The following LIN9 variants were observed in gnomAD, a reference collection of about 807,000 sequenced individuals.
The protein encoded by LIN9 is lin-9 DREAM MuvB core complex component.
LIN9 carries 18 observed loss-of-function variants against 78.0 expected under a neutral mutation model. That is an observed-to-expected ratio of 0.23 (90% CI 0.16 to 0.34). The LOEUF (loss-of-function observed/expected upper bound fraction) is 0.34, where lower values mean the gene tolerates loss of function less well. Ranked by LOEUF, LIN9 falls within the 10% of genes least tolerant of loss-of-function variation. The probability of loss-of-function intolerance (pLI) is 1.00; values close to 1 mark genes in which losing one functional copy is unlikely to be tolerated. For missense variants in LIN9, 451 were observed against 644.1 expected, an observed-to-expected ratio of 0.70 and a Z score of 3.25; for synonymous variants, 192 against 215.2, an observed-to-expected ratio of 0.89 and a Z score of 0.94.
intron 7 of LIN9, among the ~76,000 whole-genome samples, chr1:226,273,437 T>C (rs946518809): frequency 6.6e-6 from 1 of 151,710 alleles, no homozygotes; most frequent in Non-Finnish European, 1.5e-5. Context: ...GTAGAAACAG[T>C]GTTTCACCAT....
chr1:226,307,984 A>G (rs545046606), intron 1 of LIN9, among the ~76,000 whole-genome samples: 6 of 152,326 alleles, frequency 3.9e-5, no homozygotes, highest in African/African-American at 1.4e-4. Context: ...GGCAACTTGA[A>G]TTTTTAACTT....
In LIN9 at chr1:226,265,461, T is replaced by A. The variant is rs1018164367; in HGVS notation, c.1038+72A>T. 1.2e-5 allele frequency: 11 copies of A among 885,542 alleles called. No homozygotes were observed. In the African/African-American group the frequency reaches 1.9e-4, roughly 15 times the overall value. The allele number at this position is 885,542 out of a possible 1,614,324, so 54.9% of individuals were successfully genotyped here. A position where few individuals can be genotyped will look rare whatever the true frequency, so the allele number is the denominator to read the frequency against. On this transcript the variant is annotated intron_variant, in intron 10 of 14. Coordinates refer to ENST00000681046, the MANE Select transcript of LIN9 (RefSeq NM_001366245.2). This position sits in a 1 kb window ranked among gnomAD's most constrained non-coding sequence, Gnocchi z 4.1. ...ATAAACCTACACGGCCCTAGAAAAATTTTCAACTTTAATAACATAAAAGGC... is the reference window on the plus strand; with the variant it reads ...ATAAACCTACACGGCCCTAGAAAAAATTTCAACTTTAATAACATAAAAGGC...
chr1:226,255,105 T>A lies in LIN9; in HGVS notation c.1039-4186A>T, dbSNP rs561577354. 3.2e-4 allele frequency among the ~76,000 whole-genome samples: 49 copies of A among 152,084 alleles called. 2 individuals are homozygous for A. The South Asian group carries it at 1.0e-2, about 31-fold the overall frequency. On this transcript the variant is annotated intron_variant, in intron 10 of 14. Coordinates refer to ENST00000681046, the MANE Select transcript of LIN9 (RefSeq NM_001366245.2). The stretch of plus-strand genomic sequence containing the variant: ...GTAGGGAAAACTGAACTGTAATATA[T>A]GTGGTAGGTGCATTAAGCATTTACT...
intron 1 of LIN9, among the ~76,000 whole-genome samples, chr1:226,304,688 G>C (rs542130894): frequency 6.6e-6 from 1 of 152,254 alleles, no homozygotes; most frequent in Non-Finnish European, 1.5e-5. Context: ...GAAGAAACAG[G>C]TTAAGTCCTA....
intron 10 of LIN9, among the ~76,000 whole-genome samples, chr1:226,261,524 T>A (rs1247454366): frequency 1.3e-5 from 2 of 152,202 alleles, no homozygotes; most frequent in Admixed American, 1.3e-4. Context: ...AAACACAGTA[T>A]CATTTACCTT....
chr1:226,287,535 G>T, intron 5 of LIN9, 129 bp downstream of exon 5: 1 of 605,610 alleles, frequency 1.7e-6, no homozygotes, highest in Non-Finnish European at 2.7e-6. Flanking sequence ...CTGGAATGTG[G>T]AACAGAAAAA....
intron 7 of LIN9, among the ~76,000 whole-genome samples, chr1:226,269,184 A>T (rs533177837): frequency 4.3e-4 from 66 of 152,368 alleles, no homozygotes; most frequent in African/African-American, 1.6e-3. Flanking sequence ...ACACAGAAAT[A>T]CACAATGCAA....
chr1:226,288,429 A>T (rs903793648), intron 4 of LIN9, among the ~76,000 whole-genome samples: 1 of 152,196 alleles, frequency 6.6e-6, no homozygotes, highest in African/African-American at 2.4e-5. Flanking sequence ...ATTTCATAAC[A>T]CTGTTTTGAA....
At chr1:226,250,748 T>C (rs6678137) in intron 11 of LIN9, 91 bp downstream of exon 11, 580,636 of 673,928 alleles carry the variant, frequency 0.86, 250,960 homozygotes, top group East Asian at 0.98. Context: ...AAGGTTTCCT[T>C]CCATAGATAT....
At position 226,239,160 on chromosome 1, in the gene LIN9, T is replaced by C. The variant is rs574373036; in HGVS notation, c.1120-64A>G. 9.2e-5 allele frequency: 141 copies of C among 1,537,264 alleles called. No individual in the cohort carries two copies. The East Asian group carries it at 2.7e-3, about 30-fold the overall frequency. On this transcript the variant is annotated intron_variant, in intron 11 of 14. Transcript: ENST00000681046. ...TTTTTTAGCAATGCAATTTCAATGA[T>C]CTAAAAGGAGATTTGACTTATCTAA...
At position 226,289,834 on chromosome 1, in the gene LIN9, CG is replaced by C. The variant is rs967358215; in HGVS notation, c.265-2038del. 1.7e-3 allele frequency among the ~76,000 whole-genome samples: 20 copies of C among 12,084 alleles called. 1 individual carries two copies. Among genetic ancestry groups the C allele is most frequent in the Admixed American group, 6.7e-3 (5 of 750 alleles). 7.9% of individuals were successfully genotyped at this position (12,084 alleles called of 152,430 possible). On this transcript the variant is annotated intron_variant, in intron 4 of 14. Transcript: ENST00000681046. ...TTACTAGGACAACTAAGTAGTCCTC[CG>C]GGGGGGGGGGTGGGGGGGGGTGGGA...
chr1:226,232,851 T>C (rs1576264310), intron 14 of LIN9: 1 of 491,268 alleles, frequency 2.0e-6, no homozygotes, highest in Non-Finnish European at 3.5e-6. Context: ...GGGGAAGCTC[T>C]ACCTCTAAGC....
chr1:226,265,509 C>G lies in LIN9; in HGVS notation c.1038+24G>C. On this transcript the variant is annotated intron_variant, in intron 10 of 14. Transcript: ENST00000681046. The surrounding 1 kb of genome is among the most constrained non-coding windows in gnomAD (Gnocchi z 4.1). ...GGCATTGAGTTTTTAAACAAACAGC[C>G]AAGATATTCAGAACAATTCTTACCA... 2.1e-6 allele frequency: 3 copies of G among 1,447,866 alleles called. No individual in the cohort carries two copies. The highest frequency in any genetic ancestry group is 2.9e-6 in the Non-Finnish European group (3 of 1,038,104). 89.7% of individuals were successfully genotyped at this position (1,447,866 alleles called of 1,614,324 possible). A position where few individuals can be genotyped will look rare whatever the true frequency, so the allele number is the denominator to read the frequency against.
chr1:226,234,914 G>A (rs1357149153), intron 12 of LIN9, among the ~76,000 whole-genome samples: 11 of 70,148 alleles, frequency 1.6e-4, no homozygotes, highest in African/African-American at 4.2e-4. Flanking sequence ...TTTTTTTTGA[G>A]ACAGTCTCAC....
intron 10 of LIN9, among the ~76,000 whole-genome samples, chr1:226,251,583 A>C (rs1454424934): frequency 6.6e-6 from 1 of 152,204 alleles, no homozygotes; most frequent in Non-Finnish European, 1.5e-5. Flanking sequence ...ACTGGTCTCG[A>C]ACTCCTGACC....
intron 11 of LIN9, among the ~76,000 whole-genome samples, chr1:226,239,398 T>C (rs1316068322): frequency 6.6e-6 from 1 of 152,228 alleles, no homozygotes; most frequent in East Asian, 1.9e-4. Flanking sequence ...TATATTCGTC[T>C]TTCAACTTTT....
chr1:226,279,769 GAA>G (rs372383120), intron 6 of LIN9, among the ~76,000 whole-genome samples: 6 of 93,734 alleles, frequency 6.4e-5, no homozygotes, highest in African/African-American at 1.7e-4. Flanking sequence ...GACCCAGTCT[GAA>G]AAAAAAAAAA....
intron 10 of LIN9, among the ~76,000 whole-genome samples, chr1:226,257,996 G>A (rs1005247155): frequency 6.6e-6 from 1 of 151,616 alleles, no homozygotes; most frequent in African/African-American, 2.4e-5. Flanking sequence ...ACCAGCCTGG[G>A]GTACACTGAC....
chr1:226,262,270 AT>A (rs1434595565), intron 10 of LIN9, among the ~76,000 whole-genome samples: 4 of 152,224 alleles, frequency 2.6e-5, no homozygotes, highest in African/African-American at 9.6e-5. Flanking sequence ...TAAGAATGAA[AT>A]GATGAGCTGA....
Sources: allele counts gnomAD v4.1 joint callset (sites outside exome capture counted in the v4.1 genomes callset), GRCh38; gene constraint gnomAD v4.1.1; non-coding constraint Gnocchi (gnomAD v3.1); transcripts MANE v1.5; gene names NCBI Gene and HGNC (gene_info 2026-07-23, HGNC 2026-07-21).